The following ANKRD29 variants were observed in gnomAD, a reference collection of about 807,000 sequenced individuals.
ANKRD29 encodes ankyrin repeat domain 29.
Under a neutral mutation model 38.0 loss-of-function variants are expected in ANKRD29, and 32 were observed. The ratio of observed to expected loss-of-function variants is 0.84; its 90% CI spans 0.64 to 1.13. ANKRD29 has a LOEUF of 1.13. Among genes scored for constraint, ANKRD29 ranks in the 50% most tolerant of loss-of-function variants. The probability of loss-of-function intolerance (pLI) is 0.00; values close to 1 mark genes in which losing one functional copy is unlikely to be tolerated. For synonymous variants in ANKRD29, 135 were observed against 152.4 expected (o/e 0.89, Z 0.84); for missense variants, 357 against 377.9 (o/e 0.94, Z 0.46).
chr18:23,636,818 C>A (rs967039825), intron 4 of ANKRD29, among the ~76,000 whole-genome samples: 1 of 152,150 alleles, frequency 6.6e-6, no homozygotes, highest in Non-Finnish European at 1.5e-5. Flanking sequence ...AAGCGATCTG[C>A]CTGCCTCAGC....
intron 1 of ANKRD29, among the ~76,000 whole-genome samples, chr18:23,656,010 G>A (rs1022435510): frequency 4.7e-5 from 7 of 148,530 alleles, no homozygotes; most frequent in Non-Finnish European, 7.5e-5. Context: ...GGAGAATGGC[G>A]TGAACCCGGG....
chr18:23,655,503 G>C (rs1056085538), intron 1 of ANKRD29, among the ~76,000 whole-genome samples: 10 of 151,988 alleles, frequency 6.6e-5, no homozygotes, highest in Non-Finnish European at 1.5e-5. Context: ...GGAGTGCAGT[G>C]GCGTGATCTC....
intron 1 of ANKRD29, among the ~76,000 whole-genome samples, chr18:23,655,113 A>G (rs1018629206): frequency 6.6e-6 from 1 of 152,180 alleles, no homozygotes; most frequent in African/African-American, 2.4e-5. Flanking sequence ...AGTATTTACA[A>G]TTTTCAGAAT....
At position 23,619,547 on chromosome 18, in the gene ANKRD29, C is replaced by G; in HGVS notation, c.611G>C (p.Arg204Pro). The G allele has an allele frequency of 1.9e-6, 3 of 1,593,718 alleles. No individual in the cohort carries two copies. The highest frequency in any genetic ancestry group is 1.7e-4 in the Middle Eastern group (1 of 6,034). The change falls in exon 7 of 10, where the codon CGC becomes CCC. Residue 204 changes from arginine to proline, a missense_variant. Coordinates refer to ENST00000592179, the MANE Select transcript of ANKRD29 (RefSeq NM_173505.4). ...VRVMLLRGAD[R>P]DAARNDGTTA... is the part of the protein sequence containing the mutation. ...GGCACTCACGTTCCGCGCAGCGTCG[C>G]GGTCGGCTCCGCGCAGCAGCATCAC...
chr18:23,662,598 C>G, intron 1 of ANKRD29, 112 bp downstream of exon 1: 1 of 765,772 alleles, frequency 1.3e-6, no homozygotes, highest in Non-Finnish European at 1.9e-6. Context: ...GAGGAGGCGG[C>G]GGGCAGCGGG....
chr18:23,624,816 T>C (rs1421210633), intron 6 of ANKRD29, among the ~76,000 whole-genome samples: 1 of 152,212 alleles, frequency 6.6e-6, no homozygotes, highest in African/African-American at 2.4e-5. Flanking sequence ...AGTTTTATAG[T>C]TTCCTCCAAC....
In ANKRD29 at chr18:23,610,365, C is replaced by G. The variant is rs138940723; in HGVS notation, c.822+1727G>C. On this transcript the variant is annotated intron_variant, in intron 9 of 9. Coordinates refer to ENST00000592179, the MANE Select transcript of ANKRD29 (RefSeq NM_173505.4). ...TGATGGTGCACACCTGTAGTTCCAG[C>G]TATTGGGCAGGCTGAGGCAGGAGAA... Among the ~76,000 whole-genome samples the G allele has an allele frequency of 6.7e-3, 1,024 of 152,328 alleles. 10 individuals carry two copies. The highest frequency in any genetic ancestry group is 0.037 in the Middle Eastern group (11 of 294).
At chr18:23,635,276 A>G (rs1266150678) in intron 4 of ANKRD29, among the ~76,000 whole-genome samples, 14 of 151,720 alleles carry the variant, frequency 9.2e-5, no homozygotes, top group Admixed American at 9.2e-4. Context: ...GTCAAAACAA[A>G]CAAATAAAAA....
chr18:23,620,201 G>C (rs1045261115), intron 6 of ANKRD29, among the ~76,000 whole-genome samples: 1 of 152,122 alleles, frequency 6.6e-6, no homozygotes, highest in Non-Finnish European at 1.5e-5. Flanking sequence ...TACTCTTCTA[G>C]TCTGGTGTCC....
chr18:23,646,328 A>G, intron 2 of ANKRD29, 41 bp from the exon 3 acceptor site: 1 of 1,565,136 alleles, frequency 6.4e-7, no homozygotes, highest in Non-Finnish European at 8.8e-7. Flanking sequence ...GGCCACTGCT[A>G]TGTCAGAGAG....
At position 23,629,846 on chromosome 18, in the gene ANKRD29, A is replaced by G; in HGVS notation, c.528+7T>C. ...GTGCTCGGGCAAATGTCAACAGTGGACATTACCTGCCTTGGCTGGTTGACT... is the reference window on the plus strand; with the variant it reads ...GTGCTCGGGCAAATGTCAACAGTGGGCATTACCTGCCTTGGCTGGTTGACT... On this transcript the variant is annotated splice_region_variant and intron_variant, in intron 6 of 9. Coordinates refer to ENST00000592179, the MANE Select transcript of ANKRD29 (RefSeq NM_173505.4). 6.2e-7 allele frequency: 1 copy of G among 1,613,274 alleles called. No homozygotes were observed. Among genetic ancestry groups the G allele is most frequent in the Non-Finnish European group, 8.5e-7 (1 of 1,179,678 alleles).
At chr18:23,610,305 G>A (rs1342723452) in intron 9 of ANKRD29, among the ~76,000 whole-genome samples, 1 of 152,086 alleles carries the variant, frequency 6.6e-6, no homozygotes, top group African/African-American at 2.4e-5. Context: ...GCAAAACCCT[G>A]TCTCTACTAA....
intron 5 of ANKRD29, 45 bp downstream of exon 5, chr18:23,634,006 G>T: frequency 5.7e-6 from 9 of 1,581,228 alleles, no homozygotes; most frequent in Non-Finnish European, 7.8e-6. Flanking sequence ...CTGCAATTTT[G>T]TATGTGATGA....
Position 23,616,578 on chromosome 18 carries a change from G to GTATA in ANKRD29, c.723+1150_723+1153dup, listed in dbSNP as rs60639633. Reference sequence around the variant, plus strand: ...TATATATATATACACTATATATACAGTATATATATATATATACTATATATA... The same window carrying GTATA: ...TATATATATATACACTATATATACAGTATATATATATATATATATACTATATATA... On this transcript the variant is annotated intron_variant, in intron 8 of 9. Coordinates refer to ENST00000592179, the MANE Select transcript of ANKRD29 (RefSeq NM_173505.4). Among the ~76,000 whole-genome samples, 341 of 133,028 alleles carry GTATA rather than the reference G, an allele frequency of 2.6e-3. 3 individuals are homozygous for GTATA. Among genetic ancestry groups the GTATA allele is most frequent in the African/African-American group, 9.0e-3 (317 of 35,138 alleles). The allele number at this position is 133,028 out of a possible 152,430, so 87.3% of individuals were successfully genotyped here. A position where few individuals can be genotyped will look rare whatever the true frequency, so the allele number is the denominator to read the frequency against.
At chr18:23,629,236 C>T (rs925671622) in intron 6 of ANKRD29, among the ~76,000 whole-genome samples, 9 of 152,270 alleles carry the variant, frequency 5.9e-5, no homozygotes, top group Admixed American at 6.5e-5. Flanking sequence ...CCTCCTGCCT[C>T]GGCCTCCCAG....
chr18:23,650,808 T>G (rs2060201518), intron 1 of ANKRD29, among the ~76,000 whole-genome samples: 1 of 152,218 alleles, frequency 6.6e-6, no homozygotes, highest in Admixed American at 6.5e-5. Context: ...TTTCCTCTAT[T>G]TACTTTTCTT....
chr18:23,659,758 A>C (rs891246769), intron 1 of ANKRD29, among the ~76,000 whole-genome samples: 3 of 151,548 alleles, frequency 2.0e-5, no homozygotes, highest in South Asian at 4.2e-4. Flanking sequence ...GACAAAAAAA[A>C]AAACAAAAAA....
chr18:23,656,913 T>C (rs971748107), intron 1 of ANKRD29, among the ~76,000 whole-genome samples: 1 of 152,076 alleles, frequency 6.6e-6, no homozygotes. Context: ...TCTTCATCCT[T>C]TGCCTAGCGC....
chr18:23,624,139 A>G lies in ANKRD29; in HGVS notation c.529-4510T>C, dbSNP rs570159004. 6.6e-5 allele frequency among the ~76,000 whole-genome samples: 10 copies of G among 152,080 alleles called. 1 individual carries two copies. In the South Asian group the frequency reaches 2.1e-3, roughly 32 times the overall value. On this transcript the variant is annotated intron_variant, in intron 6 of 9. Transcript: ENST00000592179. ...ACTTTGATATTAAATCAAAGAAATCATTGTGAAGTTATAACCTCTACAGCA... is the reference window on the plus strand; with the variant it reads ...ACTTTGATATTAAATCAAAGAAATCGTTGTGAAGTTATAACCTCTACAGCA...
Sources: gnomAD v4.1 joint callset for allele counts (sites outside exome capture counted in the v4.1 genomes callset) on GRCh38, gnomAD v4.1.1 for gene constraint, MANE v1.5 for transcripts, NCBI Gene and HGNC (gene_info 2026-07-23, HGNC 2026-07-21) for gene names.